STXBP2: variants seen among roughly 807,000 people sequenced by gnomAD.
STXBP2 encodes syntaxin-binding protein 2.
In STXBP2, 47 loss-of-function variants were observed where a neutral mutation model predicts 72.2. The ratio of observed to expected loss-of-function variants is 0.65; its 90% confidence interval spans 0.51 to 0.83. The LOEUF is 0.83. Among genes scored for constraint, STXBP2 ranks in the 40% least tolerant of loss-of-function variants. The pLI, the probability that STXBP2 is intolerant of heterozygous loss-of-function variation, is 0.00. For synonymous variants in STXBP2, 367 were observed against 338.7 expected, an observed-to-expected ratio of 1.08 and a Z score of -0.92; for missense variants, 702 against 807.6, an observed-to-expected ratio of 0.87 and a Z score of 1.58.
chr19:7,633,495 C>G (rs567614801), upstream of STXBP2: 19 of 1,556,440 alleles, frequency 1.2e-5, no homozygotes, highest in African/African-American at 2.6e-4. Context: ...TGGCCTCTGC[C>G]CCGGCCCAGT....
chr19:7,639,282 C>G, intron 3 of STXBP2, 182 bp downstream of exon 3: 1 of 722,188 alleles, frequency 1.4e-6, no homozygotes, highest in East Asian at 2.7e-5. Context: ...ACCTTGCAAG[C>G]TGACTGCGGG....
In STXBP2 at chr19:7,647,854, C is replaced by T; in HGVS notation, c.*44C>T. On this transcript the variant is annotated 3_prime_UTR_variant, in exon 19 of 19. Coordinates refer to ENST00000221283, the MANE Select transcript of STXBP2 (RefSeq NM_006949.4). ...ACCCCTCCCTTTCCAGAGAAATAAA[C>T]TCTTCCCGTCGCTCTGCCAGCCAGT... 1 of 1,420,294 alleles carries T rather than the reference C, an allele frequency of 7.0e-7. No homozygotes were observed. The highest frequency in any genetic ancestry group is 3.0e-5 in the East Asian group (1 of 32,978). 88.0% of individuals were successfully genotyped at this position (1,420,294 alleles called of 1,614,324 possible). A position where few individuals can be genotyped will look rare whatever the true frequency, so the allele number is the denominator to read the frequency against.
chr19:7,630,387 C>G, the STXBP2 span: 1 of 600,582 alleles, frequency 1.7e-6, no homozygotes, highest in African/African-American at 1.9e-5. Context: ...AATGAGGCCT[C>G]CTGGATTATA....
At chr19:7,632,690 G>C (rs2031372505), upstream of STXBP2, 1 of 1,549,660 alleles carries the variant, frequency 6.5e-7, no homozygotes, top group Non-Finnish European at 8.7e-7. This position sits in a 1 kb window ranked among gnomAD's most constrained non-coding sequence, Gnocchi z 5.2. Context: ...ACGCCCCATG[G>C]ACAGCACCCC....
upstream of STXBP2, among the ~76,000 whole-genome samples, chr19:7,635,358 G>A (rs1026478600): frequency 1.3e-5 from 2 of 152,208 alleles, no homozygotes; most frequent in South Asian, 2.1e-4. Context: ...TTAGGTCAGC[G>A]AGTTGTATGG....
chr19:7,630,277 G>C, the STXBP2 span: 1 of 487,910 alleles, frequency 2.0e-6, no homozygotes, highest in Admixed American at 3.6e-5. Context: ...AGTGGGGATG[G>C]GTAATGAGGT....
the STXBP2 span, chr19:7,630,771 T>C: frequency 6.5e-7 from 1 of 1,536,974 alleles, no homozygotes; most frequent in African/African-American, 1.4e-5. Flanking sequence ...TGCCCTGATG[T>C]GGGGCTCTGG....
At chr19:7,629,884 G>A in the STXBP2 span, 1 of 1,519,674 alleles carries the variant, frequency 6.6e-7, no homozygotes, top group Non-Finnish European at 8.8e-7. Context: ...GGAGTGGGTT[G>A]GGAGGCTGGG....
At position 7,647,467 on chromosome 19, in the gene STXBP2, A is replaced by G; in HGVS notation, c.1652A>G (p.Tyr551Cys). 6.2e-7 allele frequency: 1 copy of G among 1,611,608 alleles called. No homozygotes were observed. The highest frequency in any genetic ancestry group is 8.5e-7 in the Non-Finnish European group (1 of 1,178,970). The change falls in exon 18 of 19, where the codon TAC becomes TGC. Residue 551 changes from tyrosine (Y) to cysteine (C), a missense_variant. Coordinates refer to ENST00000221283, the MANE Select transcript of STXBP2 (RefSeq NM_006949.4). Reference protein sequence around the residue: ...GVAMSEMRAAYEVTRATEGKW... With the variant: ...GVAMSEMRAACEVTRATEGKW... Reference sequence around the variant, plus strand: ...GCCATGTCAGAGATGAGGGCCGCCTACGAGGTGACCAGGGCCACCGAGGGC... The same window carrying G: ...GCCATGTCAGAGATGAGGGCCGCCTGCGAGGTGACCAGGGCCACCGAGGGC...
Position 7,639,119 on chromosome 19 carries a change from A to G in STXBP2, c.169+19A>G. On this transcript the variant is annotated intron_variant, in intron 3 of 18. Coordinates refer to ENST00000221283, the MANE Select transcript of STXBP2 (RefSeq NM_006949.4). ...ATCACCAGTGAGTGAACGCGTCCCC[A>G]GTGAGATGGGACCTGAGCGTGGGAA... The G allele has an allele frequency of 2.5e-6, 4 of 1,613,616 alleles. No individual in the cohort carries two copies. Among genetic ancestry groups the G allele is most frequent in the Non-Finnish European group, 2.5e-6 (3 of 1,179,672 alleles).
chr19:7,639,914 GCATGTGTC>G, intron 4 of STXBP2, 107 bp downstream of exon 4: 3 of 1,258,642 alleles, frequency 2.4e-6, no homozygotes, highest in Non-Finnish European at 3.4e-6. Flanking sequence ...GTATACGTGT[GCATGTGTC>G]CATGTGTATG....
chr19:7,631,167 C>A, the STXBP2 span: 1 of 1,142,576 alleles, frequency 8.8e-7, no homozygotes. Context: ...CAAGATCACG[C>A]CACTGCACTC....
intron 1 of STXBP2, among the ~76,000 whole-genome samples, chr19:7,637,481 G>A (rs1253369469): frequency 6.6e-6 from 1 of 152,064 alleles, no homozygotes; most frequent in African/African-American, 2.4e-5. Context: ...TGCCTGCCGG[G>A]GGAGGAGGGC....
Position 7,642,664 on chromosome 19 carries a change from C to A in STXBP2, c.903-102C>A, listed in dbSNP as rs1190692754. 4.7e-6 allele frequency: 7 copies of A among 1,481,392 alleles called. No homozygotes were observed. The Admixed American group carries it at 1.2e-4, about 26-fold the overall frequency. 91.8% of individuals were successfully genotyped at this position (1,481,392 alleles called of 1,614,324 possible). A position where few individuals can be genotyped will look rare whatever the true frequency, so the allele number is the denominator to read the frequency against. On this transcript the variant is annotated intron_variant, in intron 10 of 18. Coordinates refer to ENST00000221283, the MANE Select transcript of STXBP2 (RefSeq NM_006949.4). This position sits in a 1 kb window ranked among gnomAD's most constrained non-coding sequence, Gnocchi z 6.0. ...ACCCCTCGTGTGACTCCAGACTGGC[C>A]TCCAATTTCACCCCACCTCTCCCTG...
chr19:7,635,100 C>A (rs1177947621), upstream of STXBP2, among the ~76,000 whole-genome samples: 1 of 152,166 alleles, frequency 6.6e-6, no homozygotes, highest in Non-Finnish European at 1.5e-5. Context: ...TACTTCATAT[C>A]TTTTGGGGGT....
Position 7,638,859 on chromosome 19 carries a change from G to T in STXBP2, c.87+84G>T, listed in dbSNP as rs2031675547. ...AAGACCCTGAATGTGGGACCCCCAA[G>T]AACTGCCTGTCCACATGGGTGGAGT... On this transcript the variant is annotated intron_variant, in intron 2 of 18. Transcript: ENST00000221283. 10 of 1,596,758 alleles carry T rather than the reference G, an allele frequency of 6.3e-6. No individual in the cohort carries two copies. In the Middle Eastern group the frequency reaches 6.6e-4, roughly 106 times the overall value.
chr19:7,636,973 T>C (rs940383924), upstream of STXBP2: 2 of 610,284 alleles, frequency 3.3e-6, no homozygotes, highest in East Asian at 3.5e-5. Flanking sequence ...CACCTGCCCG[T>C]CCTCCCCGCC....
At chr19:7,636,364 AGTGT>A (rs1282175968), upstream of STXBP2, 3 of 151,972 alleles carry the variant, frequency 2.0e-5, no homozygotes, top group Admixed American at 6.6e-5. Context: ...TGAAATTCCG[AGTGT>A]GTGTCTGTGT....
chr19:7,639,310 C>A lies in STXBP2; in HGVS notation c.169+210C>A, dbSNP rs568671507. ...ACTGCGGGAGCCCATGGATTGCAGG[C>A]CTCCCCTGCAGCACTCCCTGGCTGC... is the stretch of plus-strand genomic sequence containing the variant. On this transcript the variant is annotated intron_variant, in intron 3 of 18. Coordinates refer to ENST00000221283, the MANE Select transcript of STXBP2 (RefSeq NM_006949.4). 73 of 658,218 alleles carry A rather than the reference C, an allele frequency of 1.1e-4. No homozygotes were observed. The African/African-American group carries it at 1.2e-3, about 11-fold the overall frequency. The allele number at this position is 658,218 out of a possible 1,614,324, so 40.8% of individuals were successfully genotyped here. A position where few individuals can be genotyped will look rare whatever the true frequency, so the allele number is the denominator to read the frequency against.
Sources: allele counts gnomAD v4.1 joint callset (sites outside exome capture counted in the v4.1 genomes callset), GRCh38; gene constraint gnomAD v4.1.1; non-coding constraint Gnocchi (gnomAD v3.1); transcripts MANE v1.5; gene names NCBI Gene and HGNC (gene_info 2026-07-23, HGNC 2026-07-21).